Variants in SH3BP1 observed in about 807,000 individuals in gnomAD.
The protein encoded by SH3BP1 is SH3 domain binding protein 1.
A neutral mutation model predicts 69.8 loss-of-function variants in SH3BP1; 46 were observed. The observed-to-expected ratio is 0.66, with a 90% CI of 0.52 to 0.84. The LOEUF is 0.84. SH3BP1 is among the 40% of genes least tolerant of loss of function. SH3BP1 has a pLI of 0.00. For synonymous variants in SH3BP1, 403 were observed against 378.0 expected (o/e 1.07, Z -0.77); for missense variants, 868 against 930.9 (o/e 0.93, Z 0.88).
In SH3BP1 at chr22:37,639,690, G is replaced by C. The variant is rs1012914497; in HGVS notation, c.-98G>C. 2 of 723,706 alleles carry C rather than the reference G, an allele frequency of 2.8e-6. No homozygotes were observed. The highest frequency in any genetic ancestry group is 2.3e-5 in the South Asian group (1 of 42,874). The allele number at this position is 723,706 out of a possible 1,614,324, so 44.8% of individuals were successfully genotyped here. A position where few individuals can be genotyped will look rare whatever the true frequency, so the allele number is the denominator to read the frequency against. The stretch of plus-strand genomic sequence containing the variant: ...AAGCGAGAGCGCCGCCCACCCATCC[G>C]GGGCAAGAGCCGCGCCGCAGGAGAG... On this transcript the variant is annotated 5_prime_UTR_variant, in exon 1 of 18. Coordinates refer to ENST00000649765, the MANE Select transcript of SH3BP1 (RefSeq NM_018957.6).
At chr22:37,647,702 G>A (rs1932809389) in intron 13 of SH3BP1, among the ~76,000 whole-genome samples, 181 bp downstream of exon 13, 1 of 151,558 alleles carries the variant, frequency 6.6e-6, no homozygotes, top group African/African-American at 2.4e-5. Flanking sequence ...CTGAGACAGG[G>A]TCTCACTCTG....
At chr22:37,643,527 C>A in intron 6 of SH3BP1, 117 bp from the exon 7 acceptor site, 1 of 1,415,718 alleles carries the variant, frequency 7.1e-7, no homozygotes, top group Non-Finnish European at 9.7e-7. Context: ...GCCAGTGGAG[C>A]TCTCAGATCT....
At chr22:37,650,077 A>G in intron 14 of SH3BP1, 75 bp from the exon 15 acceptor site, 1 of 1,512,358 alleles carries the variant, frequency 6.6e-7, no homozygotes, top group Non-Finnish European at 9.2e-7. Context: ...TTGTGTCTCC[A>G]TTGCCCAGCA....
Position 37,653,771 on chromosome 22 carries a change from C to T in SH3BP1, c.1599-8C>T, listed in dbSNP as rs1932937137. ...TAAGTCTGCCCCATCCTCTCCTTCC[C>T]TCTGCAGGACAGAGTCTGAGGTGCC... On this transcript the variant is annotated splice_polypyrimidine_tract_variant and splice_region_variant and intron_variant, in intron 16 of 17. Coordinates refer to ENST00000649765, the MANE Select transcript of SH3BP1 (RefSeq NM_018957.6). 1 of 1,607,486 alleles carries T rather than the reference C, an allele frequency of 6.2e-7. No homozygotes were observed. Among genetic ancestry groups the T allele is most frequent in the Non-Finnish European group, 8.5e-7 (1 of 1,174,648 alleles).
At chr22:37,648,081 C>T (rs753202148) in intron 13 of SH3BP1, among the ~76,000 whole-genome samples, 1 of 152,232 alleles carries the variant, frequency 6.6e-6, no homozygotes, top group African/African-American at 2.4e-5. Context: ...GGCCACTCAG[C>T]GTCATCATCT....
intron 6 of SH3BP1, chr22:37,643,400 C>T: frequency 1.5e-6 from 1 of 661,208 alleles, no homozygotes. Context: ...AGCCTGGGAT[C>T]CTGTAAACAG....
chr22:37,654,375 A>G (rs1328183402), intron 17 of SH3BP1, among the ~76,000 whole-genome samples: 1 of 152,108 alleles, frequency 6.6e-6, no homozygotes, highest in Non-Finnish European at 1.5e-5. Context: ...GTTCAAGACC[A>G]GCCTGGCCAA....
rs964329673 is a variant in SH3BP1, at chr22:37,641,545, C to T, written c.207+67C>T. On this transcript the variant is annotated intron_variant, in intron 3 of 17. Coordinates refer to ENST00000649765, the MANE Select transcript of SH3BP1 (RefSeq NM_018957.6). The stretch of plus-strand genomic sequence containing the variant: ...CTTCCATCCAATGGGGAAGCAAGGT[C>T]GGGGCTGGGGTTTCCTTGCCAGTCT... 6.7e-6 allele frequency: 9 copies of T among 1,350,830 alleles called. No homozygotes were observed. In the African/African-American group the frequency reaches 8.7e-5, roughly 13 times the overall value. The allele number at this position is 1,350,830 out of a possible 1,614,324, so 83.7% of individuals were successfully genotyped here. A position where few individuals can be genotyped will look rare whatever the true frequency, so the allele number is the denominator to read the frequency against.
chr22:37,653,217 C>T (rs780077978), intron 16 of SH3BP1, among the ~76,000 whole-genome samples: 4 of 151,980 alleles, frequency 2.6e-5, no homozygotes, highest in Admixed American at 6.6e-5. Context: ...GGCAGAAGAT[C>T]GCTTGAGACC....
At chr22:37,648,651 G>T in intron 14 of SH3BP1, 2 of 496,294 alleles carry the variant, frequency 4.0e-6, no homozygotes, top group Non-Finnish European at 7.3e-6. Flanking sequence ...CAGTGGTGGT[G>T]ATGAGGTGTT....
In SH3BP1 at chr22:37,641,418, C is replaced by T; in HGVS notation, c.147C>T (p.Ile49=). Residue 49 remains isoleucine (I), a synonymous_variant, in exon 3 of 18, where the codon ATC becomes ATT. Coordinates refer to ENST00000649765, the MANE Select transcript of SH3BP1 (RefSeq NM_018957.6). ...LEPAKRAAHN[I]HKRLQACLQG... ...CGGCCAAGCGGGCAGCCCACAACAT[C>T]CACAAGCGGCTGCAGGCCTGTCTGC... 6.4e-7 allele frequency: 1 copy of T among 1,551,092 alleles called. No individual in the cohort carries two copies. The highest frequency in any genetic ancestry group is 1.7e-4 in the Middle Eastern group (1 of 5,990).
chr22:37,649,941 TC>T, intron 14 of SH3BP1: 1 of 673,162 alleles, frequency 1.5e-6, no homozygotes, highest in Non-Finnish European at 2.8e-6. Flanking sequence ...AGGAAAAGGG[TC>T]CTTGATTAAT....
intron 1 of SH3BP1, 30 bp from the exon 2 acceptor site, chr22:37,641,094 ACT>A (rs1302185260): frequency 2.2e-6 from 3 of 1,338,892 alleles, no homozygotes; most frequent in Non-Finnish European, 1.0e-6. Context: ...CAGCAGAAGC[ACT>A]CTCCCCCCCC....
rs768706686 is a variant in SH3BP1 at position 37,645,386 on chromosome 22, C to G, written c.800C>G (p.Ala267Gly). 6.2e-7 allele frequency: 1 copy of G among 1,610,674 alleles called. No homozygotes were observed. Among genetic ancestry groups the G allele is most frequent in the East Asian group, 2.2e-5 (1 of 44,790 alleles). The change falls in exon 10 of 18, where the codon GCC becomes GGC. Residue 267 changes from alanine (A) to glycine (G), a missense_variant. Ala to Gly is a moderately conservative substitution (Grantham distance 60). Around this residue, in one of 3 missense-constraint regions of SH3BP1, gnomAD observed 387 missense variants for 447.9 expected, o/e 0.86. Transcript: ENST00000649765. ...GQADHSPSMT[A>G]THFPRVYGVS... Reference sequence around the variant, plus strand: ...GCAGACCACTCCCCTTCGATGACAGCCACCCACTTCCCCAGGGTGTATGGG... The same window carrying G: ...GCAGACCACTCCCCTTCGATGACAGGCACCCACTTCCCCAGGGTGTATGGG...
Position 37,650,528 on chromosome 22 carries a change from C to A in SH3BP1, c.1415-14C>A, listed in dbSNP as rs1569010326. ...GCGGTCTCTGAGAGCCGTCTCCGCT[C>A]CTTCTGTCTCCAGACATCAACTTCA... On this transcript the variant is annotated splice_polypyrimidine_tract_variant and intron_variant, in intron 15 of 17. Transcript: ENST00000649765. 9.4e-6 allele frequency: 15 copies of A among 1,602,430 alleles called. No homozygotes were observed. The highest frequency in any genetic ancestry group is 1.3e-5 in the Non-Finnish European group (15 of 1,172,386).
intron 9 of SH3BP1, 140 bp downstream of exon 9, chr22:37,645,100 G>A: frequency 2.3e-6 from 2 of 878,358 alleles, no homozygotes; most frequent in Non-Finnish European, 3.5e-6. Context: ...TGATGGAGAG[G>A]CAGCTCTGGC....
chr22:37,650,780 T>C, intron 16 of SH3BP1, 55 bp downstream of exon 16: 1 of 1,513,530 alleles, frequency 6.6e-7, no homozygotes, highest in South Asian at 1.3e-5. Context: ...TCAGCCTGCC[T>C]GAGGCGCCAT....
Position 37,655,329 on chromosome 22 carries a change from G to A in SH3BP1, c.1751G>A (p.Arg584His), listed in dbSNP as rs199695574. 5.2e-3 allele frequency: 6,429 copies of A among 1,233,692 alleles called. 26 individuals are homozygous for A. Among genetic ancestry groups the A allele is most frequent in the South Asian group, 6.8e-3 (321 of 47,356 alleles). 76.4% of individuals were successfully genotyped at this position (1,233,692 alleles called of 1,614,324 possible). ...CCGCCCCCCCAGGTCTCCGGCTCCC[G>A]CTCCTCCCCTCCAGCCCCGCCCTTG... The part of the protein sequence containing the change: ...TMPPPQVSGS[R>H]SSPPAPPLPP... The change falls in exon 18 of 18, where the codon CGC becomes CAC. Residue 584 changes from arginine (R) to histidine (H), a missense_variant. Around this residue, in one of 3 missense-constraint regions of SH3BP1, gnomAD observed 474 missense variants for 462.3 expected, o/e 1.03. Transcript: ENST00000649765.
In SH3BP1 at chr22:37,650,657, C is replaced by CCCGGCT. The variant is rs758458806; in HGVS notation, c.1545_1550dup (p.Pro523_Ala524dup). 5.4e-5 allele frequency: 87 copies of CCCGGCT among 1,613,744 alleles called. No homozygotes were observed. The highest frequency in any genetic ancestry group is 1.7e-4 in the Middle Eastern group (1 of 6,060). On this transcript the variant is annotated inframe_insertion, in exon 16 of 18. Coordinates refer to ENST00000649765, the MANE Select transcript of SH3BP1 (RefSeq NM_018957.6). ...CTGCCGTGCCCACCCCAGCCACCAC[C>CCCGGCT]CCGGCTCCGGCTCCGGCTCCAGCTC...
Sources: allele counts gnomAD v4.1 joint callset (sites outside exome capture counted in the v4.1 genomes callset), GRCh38; gene constraint gnomAD v4.1.1; regional missense constraint gnomAD v4.1.1; transcripts MANE v1.5; gene names NCBI Gene and HGNC (gene_info 2026-07-23, HGNC 2026-07-21).